Variants in NMNAT1 observed in about 807,000 individuals in gnomAD.
NMNAT1 encodes the protein nicotinamide/nicotinic acid mononucleotide adenylyltransferase 1.
A neutral mutation model predicts 16.7 loss-of-function variants in NMNAT1; 11 were observed. The ratio of observed to expected loss-of-function variants is 0.66; its 90% CI spans 0.41 to 1.09. The LOEUF is 1.09. Ranked by LOEUF, NMNAT1 falls within the 50% of genes least tolerant of loss-of-function variation. NMNAT1 has a pLI of 0.00. For synonymous variants in NMNAT1, 110 were observed against 119.8 expected (o/e 0.92, Z 0.53); for missense variants, 280 against 332.3 (o/e 0.84, Z 1.22).
downstream of NMNAT1, among the ~76,000 whole-genome samples, chr1:9,989,640 C>T (rs4846186): frequency 0.96 from 146,720 of 152,188 alleles, 70,952 homozygotes; most frequent in East Asian, 1. Context: ...CTCCATCCTC[C>T]TTTCAGCTCC....
intron 1 of NMNAT1, among the ~76,000 whole-genome samples, chr1:9,952,856 AC>A (rs1203967696): frequency 1.3e-5 from 2 of 152,112 alleles, no homozygotes; most frequent in Non-Finnish European, 2.9e-5. Context: ...TATTTGAGCC[AC>A]CACGCTCGGC....
intron 3 of NMNAT1, among the ~76,000 whole-genome samples, chr1:9,978,229 G>A (rs1450734555): frequency 6.6e-6 from 1 of 152,110 alleles, no homozygotes; most frequent in Non-Finnish European, 1.5e-5. Flanking sequence ...GGTGGCACAT[G>A]CCTATAGTCC....
intron 1 of NMNAT1, among the ~76,000 whole-genome samples, chr1:9,945,227 G>A (rs757761885): frequency 5.9e-5 from 9 of 151,820 alleles, no homozygotes; most frequent in African/African-American, 1.4e-4. Flanking sequence ...GAGCAACTCC[G>A]TCTTAAAAAA....
At chr1:9,979,705 A>G (rs905594990) in intron 3 of NMNAT1, among the ~76,000 whole-genome samples, 13 of 151,114 alleles carry the variant, frequency 8.6e-5, no homozygotes, top group Non-Finnish European at 1.6e-4. Context: ...GGGAGGCTGA[A>G]GCAGGAGAAT....
chr1:9,985,701 C>T (rs1212680999), downstream of NMNAT1, among the ~76,000 whole-genome samples: 2 of 152,058 alleles, frequency 1.3e-5, no homozygotes, highest in African/African-American at 4.8e-5. Context: ...TTTGCTGTGT[C>T]ACCCAGGCTG....
the NMNAT1 span, among the ~76,000 whole-genome samples, chr1:9,994,772 C>T: frequency 2.6e-5 from 4 of 151,422 alleles, no homozygotes; most frequent in Non-Finnish European, 4.4e-5. Flanking sequence ...CCACCACGCC[C>T]GGCTAATTTT....
At chr1:9,979,283 C>T (rs781310732) in intron 3 of NMNAT1, among the ~76,000 whole-genome samples, 1 of 151,796 alleles carries the variant, frequency 6.6e-6, no homozygotes, top group Non-Finnish European at 1.5e-5. Flanking sequence ...GTGTGGGCAA[C>T]ATAGTGAGAC....
At chr1:9,994,924 T>C in the NMNAT1 span, among the ~76,000 whole-genome samples, 1 of 152,030 alleles carries the variant, frequency 6.6e-6, no homozygotes, top group African/African-American at 2.4e-5. Context: ...TTTTTTGTAT[T>C]TTTAGTAGAG....
Position 9,981,019 on chromosome 1 carries a change from G to T in NMNAT1, c.300-12G>T. ...AGAAAGAGAAATATTCTATTGTTTT[G>T]TTGTTTTATAGACACCATCAAGAGA... On this transcript the variant is annotated splice_polypyrimidine_tract_variant and intron_variant, in intron 3 of 4. Coordinates refer to ENST00000377205, the MANE Select transcript of NMNAT1 (RefSeq NM_022787.4). 6.3e-7 allele frequency: 1 copy of T among 1,591,714 alleles called. No individual in the cohort carries two copies. The highest frequency in any genetic ancestry group is 8.5e-7 in the Non-Finnish European group (1 of 1,174,118).
chr1:9,992,662 A>C, the NMNAT1 span, among the ~76,000 whole-genome samples: 1 of 152,098 alleles, frequency 6.6e-6, no homozygotes, highest in East Asian at 1.9e-4. Context: ...CTGTAATCCC[A>C]GCACTTTGGG....
chr1:9,952,688 C>T (rs990707827), intron 1 of NMNAT1, among the ~76,000 whole-genome samples: 7 of 151,962 alleles, frequency 4.6e-5, no homozygotes, highest in African/African-American at 1.7e-4. Context: ...TAGGTGTGCA[C>T]CACCACTTCT....
At chr1:9,978,355 CA>C (rs906570575) in intron 3 of NMNAT1, among the ~76,000 whole-genome samples, 1 of 151,158 alleles carries the variant, frequency 6.6e-6, no homozygotes, top group East Asian at 1.9e-4. Flanking sequence ...GACTCCGTCT[CA>C]AAAAAAAAGA....
chr1:9,944,271 A>T (rs1461124515), intron 1 of NMNAT1, among the ~76,000 whole-genome samples: 1 of 151,904 alleles, frequency 6.6e-6, no homozygotes, highest in Non-Finnish European at 1.5e-5. Flanking sequence ...AAAATAAAAA[A>T]AAGTTACCCT....
At chr1:9,944,694 G>A (rs1640927120) in intron 1 of NMNAT1, among the ~76,000 whole-genome samples, 1 of 152,136 alleles carries the variant, frequency 6.6e-6, no homozygotes, top group African/African-American at 2.4e-5. Context: ...TCTGAAGTTA[G>A]TTATATTTCA....
At chr1:9,996,113 C>G in the NMNAT1 span, among the ~76,000 whole-genome samples, 2 of 151,900 alleles carry the variant, frequency 1.3e-5, no homozygotes, top group African/African-American at 4.8e-5. Flanking sequence ...AGATCGAGAC[C>G]ATCCTGGCTA....
In NMNAT1 at chr1:9,982,695, G is replaced by A. The variant is rs1286455611; in HGVS notation, c.834G>A (p.Lys278=). The change falls in exon 5 of 5, where the codon AAG becomes AAA. Residue 278 remains lysine, a synonymous_variant. Transcript: ENST00000377205. ...APLQRNTAEA[K]T is the part of the protein sequence containing the mutation. Reference sequence around the variant, plus strand: ...TGCAGAGAAACACTGCAGAAGCTAAGACATAGGAATTCTACAGCATGATAT... The same window carrying A: ...TGCAGAGAAACACTGCAGAAGCTAAAACATAGGAATTCTACAGCATGATAT... The A allele has an allele frequency of 6.2e-7, 1 of 1,601,882 alleles. No individual in the cohort carries two copies. Among genetic ancestry groups the A allele is most frequent in the African/African-American group, 1.3e-5 (1 of 74,442 alleles).
intron 1 of NMNAT1, among the ~76,000 whole-genome samples, chr1:9,961,743 C>T (rs2101667379): frequency 6.6e-6 from 1 of 152,244 alleles, no homozygotes. Flanking sequence ...GTGATCCCAC[C>T]ACTGTGCCTT....
At chr1:9,992,574 G>A in the NMNAT1 span, among the ~76,000 whole-genome samples, 1,325 of 152,078 alleles carry the variant, frequency 8.7e-3, 9 homozygotes, top group East Asian at 0.038. Flanking sequence ...GGCCAGGGGC[G>A]TTTAGGGACA....
the NMNAT1 span, among the ~76,000 whole-genome samples, chr1:9,992,678 G>A: frequency 2.6e-5 from 4 of 151,974 alleles, no homozygotes; most frequent in African/African-American, 4.8e-5. Context: ...TTGGGAGGCC[G>A]AGGTGGGTGG....
Sources: allele counts gnomAD v4.1 joint callset (sites outside exome capture counted in the v4.1 genomes callset), GRCh38; gene constraint gnomAD v4.1.1; transcripts MANE v1.5; gene names NCBI Gene and HGNC (gene_info 2026-07-23, HGNC 2026-07-21).